Variants in UBE2D3 observed in about 807,000 individuals in gnomAD.
The protein encoded by UBE2D3 is ubiquitin conjugating enzyme E2 D3.
In UBE2D3, 2 loss-of-function variants were observed where a neutral mutation model predicts 22.8. The ratio of observed to expected loss-of-function variants is 0.09; its 90% CI spans 0.04 to 0.28. The LOEUF (loss-of-function observed/expected upper bound fraction) is 0.28. Ranked by LOEUF, UBE2D3 falls within the 10% of genes least tolerant of loss-of-function variation. UBE2D3 has a pLI of 1.00. For missense variants in UBE2D3, 27 were observed against 182.5 expected, an observed-to-expected ratio of 0.15 and a Z score of 4.91; for synonymous variants, 56 against 60.4, an observed-to-expected ratio of 0.93 and a Z score of 0.34.
intron 1 of UBE2D3, chr4:102,837,030 C>T (rs924063125): frequency 3.3e-5 from 5 of 152,326 alleles, no homozygotes; most frequent in Non-Finnish European, 5.9e-5. Context: ...AATCTGAGTA[C>T]TAGGTCAATT....
Position 102,795,098 on chromosome 4 carries a change from T to A in UBE2D3, c.*2317A>T, listed in dbSNP as rs142110939. 60 of 152,190 alleles carry A rather than the reference T, an allele frequency of 3.9e-4. No homozygotes were observed. Among genetic ancestry groups the A allele is most frequent in the African/African-American group, 1.3e-3 (55 of 41,562 alleles). The allele number at this position is 152,190 out of a possible 1,614,324, so 9.4% of individuals were successfully genotyped here. ...GTTTTCCAGGTACTTTACTGTTCTT[T>A]TAAACCTGGAGAAGCCTCTATGGCT... On this transcript the variant is annotated 3_prime_UTR_variant, in exon 8 of 8. Transcript: ENST00000453744.
intron 2 of UBE2D3, among the ~76,000 whole-genome samples, chr4:102,820,944 A>T (rs1729506182): frequency 6.6e-6 from 1 of 152,210 alleles, no homozygotes; most frequent in Non-Finnish European, 1.5e-5. Flanking sequence ...GGTCTCTTTT[A>T]CAATAGATTA....
chr4:102,822,560 C>T (rs1424542995), intron 2 of UBE2D3, among the ~76,000 whole-genome samples: 1 of 152,194 alleles, frequency 6.6e-6, no homozygotes, highest in East Asian at 1.9e-4. Context: ...AAAGCTAACT[C>T]CCAATTACTT....
rs138826108 is a variant in UBE2D3, at chr4:102,798,593, T to C, written c.398+814A>G. On this transcript the variant is annotated intron_variant, in intron 7 of 7. Coordinates refer to ENST00000453744, the MANE Select transcript of UBE2D3 (RefSeq NM_181891.3). ...TTACATTACTATCTCCCGGCAAAAT[T>C]TGAACTAAACCACCACATTCTGTAT... Among the ~76,000 whole-genome samples the C allele has an allele frequency of 2.0e-5, 3 of 151,768 alleles. No individual in the cohort carries two copies. In the East Asian group the frequency reaches 5.8e-4, roughly 29 times the overall value.
intron 1 of UBE2D3, among the ~76,000 whole-genome samples, chr4:102,848,390 A>G (rs908210637): frequency 6.6e-6 from 1 of 152,116 alleles, no homozygotes; most frequent in Non-Finnish European, 1.5e-5. Flanking sequence ...CACACCTGTA[A>G]TCCTAGCACT....
At chr4:102,833,144 G>GT (rs11329227) in intron 1 of UBE2D3, among the ~76,000 whole-genome samples, 56,954 of 146,592 alleles carry the variant, frequency 0.39, 11,041 homozygotes, top group African/African-American at 0.46. Flanking sequence ...TGTGCTACAT[G>GT]TTTTTTTTTT....
chr4:102,816,051 GAA>G (rs977503040), intron 2 of UBE2D3, among the ~76,000 whole-genome samples: 1 of 151,834 alleles, frequency 6.6e-6, no homozygotes, highest in Non-Finnish European at 1.5e-5. Flanking sequence ...AGTATCGTAG[GAA>G]AAAAAAGTGA....
At chr4:102,827,111 G>GCGAGCTATT in intron 1 of UBE2D3, 1 of 986,750 alleles carries the variant, frequency 1.0e-6, no homozygotes, top group Non-Finnish European at 1.2e-6. Flanking sequence ...TATCCTCGCA[G>GCGAGCTATT]CGAGCTATTC....
intron 1 of UBE2D3, among the ~76,000 whole-genome samples, chr4:102,855,413 AACTC>A (rs1423858435): frequency 6.6e-6 from 1 of 152,174 alleles, no homozygotes; most frequent in Non-Finnish European, 1.5e-5. Flanking sequence ...TACTTTTAAT[AACTC>A]AATTATTCAT....
In UBE2D3 at chr4:102,794,892, A is replaced by G. The variant is rs1725115810; in HGVS notation, c.*2523T>C. On this transcript the variant is annotated 3_prime_UTR_variant, in exon 8 of 8. Coordinates refer to ENST00000453744, the MANE Select transcript of UBE2D3 (RefSeq NM_181891.3). ...GACCCTAATTCGGTTTATGCATTAA[A>G]AGATTTAGGAAATACAAAGACATAG... 6.6e-6 allele frequency: 1 copy of G among 152,136 alleles called. No individual in the cohort carries two copies. 9.4% of individuals were successfully genotyped at this position (152,136 alleles called of 1,614,324 possible). A position where few individuals can be genotyped will look rare whatever the true frequency, so the allele number is the denominator to read the frequency against.
At chr4:102,803,782 T>C (rs1726578080) in intron 4 of UBE2D3, among the ~76,000 whole-genome samples, 1 of 152,204 alleles carries the variant, frequency 6.6e-6, no homozygotes, top group Non-Finnish European at 1.5e-5. Context: ...AGCTTTTATT[T>C]ATTTGAGACG....
At chr4:102,829,663 T>C (rs1731004034), upstream of UBE2D3, among the ~76,000 whole-genome samples, 1 of 152,148 alleles carries the variant, frequency 6.6e-6, no homozygotes, top group South Asian at 2.1e-4. Context: ...TGTATAGTAG[T>C]AATAGTGGCC....
At chr4:102,854,565 C>A (rs1257086951) in intron 1 of UBE2D3, among the ~76,000 whole-genome samples, 2 of 152,176 alleles carry the variant, frequency 1.3e-5, no homozygotes, top group Non-Finnish European at 2.9e-5. Flanking sequence ...TTCTCTCTAT[C>A]CCTGACAGTT....
chr4:102,829,906 T>G (rs1056859973), upstream of UBE2D3, among the ~76,000 whole-genome samples: 1 of 151,902 alleles, frequency 6.6e-6, no homozygotes, highest in Non-Finnish European at 1.5e-5. Context: ...TGCGACAGAG[T>G]GAGACCCTGT....
At chr4:102,826,992 G>A (rs1037365784) in intron 1 of UBE2D3, 49 of 997,522 alleles carry the variant, frequency 4.9e-5, no homozygotes, top group Non-Finnish European at 5.9e-5. Context: ...CAAGGGGGGA[G>A]GGGGAAGCAT....
intron 1 of UBE2D3, among the ~76,000 whole-genome samples, chr4:102,860,789 G>A (rs928179300): frequency 7.2e-5 from 11 of 151,906 alleles, no homozygotes; most frequent in African/African-American, 2.7e-4. Context: ...GCTGGGGCCT[G>A]CATACACTAT....
intron 1 of UBE2D3, among the ~76,000 whole-genome samples, chr4:102,836,141 ATTTTTTTTTTT>A (rs907557988): frequency 7.8e-5 from 8 of 102,670 alleles, no homozygotes; most frequent in Admixed American, 1.1e-4. Flanking sequence ...GTTTGTTTCC[ATTTTTTTTTTT>A]TTTTTTTTTT....
At chr4:102,826,916 G>C in intron 1 of UBE2D3, 3 of 1,020,380 alleles carry the variant, frequency 2.9e-6, no homozygotes, top group Non-Finnish European at 3.5e-6. Flanking sequence ...GCAGGGTCCG[G>C]AGCCCAGCAG....
chr4:102,813,711 C>T (rs1033649493), intron 2 of UBE2D3, among the ~76,000 whole-genome samples: 7 of 152,026 alleles, frequency 4.6e-5, no homozygotes, highest in Non-Finnish European at 1.0e-4. Flanking sequence ...ACTAATTTAA[C>T]GCTAAGAAAG....
Sources: gnomAD v4.1 joint callset for allele counts (sites outside exome capture counted in the v4.1 genomes callset) on GRCh38, gnomAD v4.1.1 for gene constraint, MANE v1.5 for transcripts, NCBI Gene and HGNC (gene_info 2026-07-23, HGNC 2026-07-21) for gene names.